The following SNIP1 variants were observed in gnomAD, a reference collection of about 807,000 sequenced individuals.
SNIP1 encodes Smad nuclear interacting protein 1.
In SNIP1, 23 loss-of-function variants were observed where a neutral mutation model predicts 37.4. The ratio of observed to expected loss-of-function variants is 0.61; its 90% CI spans 0.44 to 0.87. The LOEUF (loss-of-function observed/expected upper bound fraction) is 0.87. Ranked by LOEUF, SNIP1 falls within the 40% of genes least tolerant of loss-of-function variation. The pLI is 0.00. For missense variants in SNIP1, 459 were observed against 540.4 expected (o/e 0.85, Z 1.49); for synonymous variants, 174 against 200.0 (o/e 0.87, Z 1.10).
Position 37,534,640 on chromosome 1 carries a change from G to T in SNIP1, c.*3108C>A, listed in dbSNP as rs118156025. Reference sequence around the variant, plus strand: ...TTCCTCAGATCCTGACATACACAATGAAAGTATTTGAAAGTTACATAACCA... The same window carrying T: ...TTCCTCAGATCCTGACATACACAATTAAAGTATTTGAAAGTTACATAACCA... On this transcript the variant is annotated 3_prime_UTR_variant, in exon 4 of 4. Transcript: ENST00000296215. The T allele has an allele frequency of 3.3e-5, 5 of 152,288 alleles. No homozygotes were observed. Among genetic ancestry groups the T allele is most frequent in the South Asian group, 2.1e-4 (1 of 4,828 alleles). The allele number at this position is 152,288 out of a possible 1,614,324, so 9.4% of individuals were successfully genotyped here.
At chr1:37,543,601 T>C (rs992010150) in intron 2 of SNIP1, among the ~76,000 whole-genome samples, 8 of 152,118 alleles carry the variant, frequency 5.3e-5, no homozygotes, top group African/African-American at 1.9e-4. Flanking sequence ...TTTCTATATA[T>C]AGACTTGGCA....
intron 2 of SNIP1, among the ~76,000 whole-genome samples, chr1:37,548,058 A>C (rs1451463151): frequency 6.8e-6 from 1 of 148,088 alleles, no homozygotes; most frequent in Non-Finnish European, 1.5e-5. Context: ...AGGCTGAGGC[A>C]GGAGAATGGC....
Position 37,536,376 on chromosome 1 carries a change from T to TA in SNIP1, c.*1371dup, listed in dbSNP as rs1485457089. 1.3e-5 allele frequency: 2 copies of TA among 152,152 alleles called. No homozygotes were observed. Among genetic ancestry groups the TA allele is most frequent in the Non-Finnish European group, 2.9e-5 (2 of 68,010 alleles). The allele number at this position is 152,152 out of a possible 1,614,324, so 9.4% of individuals were successfully genotyped here. On this transcript the variant is annotated 3_prime_UTR_variant, in exon 4 of 4. Coordinates refer to ENST00000296215, the MANE Select transcript of SNIP1 (RefSeq NM_024700.4). ...AACCCACCTCCATGTCACCATCTGCTATTCCACTGACTTGGAGGCCAACGA... is the reference window on the plus strand; with the variant it reads ...AACCCACCTCCATGTCACCATCTGCTAATTCCACTGACTTGGAGGCCAACGA...
Position 37,554,182 on chromosome 1 carries a change from G to A in SNIP1, c.48C>T (p.His16=), listed in dbSNP as rs1643335153. 1 of 1,611,968 alleles carries A rather than the reference G, an allele frequency of 6.2e-7. No homozygotes were observed. The highest frequency in any genetic ancestry group is 8.5e-7 in the Non-Finnish European group (1 of 1,178,814). Residue 16 remains histidine, a synonymous_variant, in exon 1 of 4, where the codon CAC becomes CAT. Transcript: ENST00000296215. ...SERERGSRRR[H]RDGDVVLPAG... is the part of the protein sequence containing the mutation. ...CCGGCAGCACCACGTCCCCGTCCCG[G>A]TGTCTTCGCCGGCTCCCTCGCTCCC...
chr1:37,544,629 C>A, intron 2 of SNIP1: 1 of 468,644 alleles, frequency 2.1e-6, no homozygotes. Context: ...ACCAGGCACT[C>A]GTACCCCACT....
chr1:37,544,312 G>A (rs1291011437), intron 2 of SNIP1, among the ~76,000 whole-genome samples: 3 of 150,854 alleles, frequency 2.0e-5, no homozygotes, highest in Non-Finnish European at 4.4e-5. Context: ...AGGGCGCGGT[G>A]GCAGGCGCCT....
At chr1:37,544,683 G>T (rs1643210830) in intron 2 of SNIP1, 1 of 560,616 alleles carries the variant, frequency 1.8e-6, no homozygotes, top group Non-Finnish European at 3.3e-6. Context: ...CTCTTCACTG[G>T]GCCCTCTGAC....
Position 37,537,639 on chromosome 1 carries a change from G to T in SNIP1, c.*109C>A. 2 of 1,137,890 alleles carry T rather than the reference G, an allele frequency of 1.8e-6. No homozygotes were observed. Among genetic ancestry groups the T allele is most frequent in the Non-Finnish European group, 1.3e-6 (1 of 790,040 alleles). 70.5% of individuals were successfully genotyped at this position (1,137,890 alleles called of 1,614,324 possible). A position where few individuals can be genotyped will look rare whatever the true frequency, so the allele number is the denominator to read the frequency against. Reference sequence around the variant, plus strand: ...GAGGAAAGACTTAAGGCAGTAAGAGGCATTACAGAGAGCACCATAGTGCTG... The same window carrying T: ...GAGGAAAGACTTAAGGCAGTAAGAGTCATTACAGAGAGCACCATAGTGCTG... On this transcript the variant is annotated 3_prime_UTR_variant, in exon 4 of 4. Coordinates refer to ENST00000296215, the MANE Select transcript of SNIP1 (RefSeq NM_024700.4).
chr1:37,548,152 CAAAAAAAA>C (rs35503081), intron 2 of SNIP1, among the ~76,000 whole-genome samples: 1 of 65,348 alleles, frequency 1.5e-5, no homozygotes, highest in East Asian at 5.2e-4. Flanking sequence ...GACTCCATAT[CAAAAAAAA>C]AAAAAAAAAA....
At chr1:37,551,449 T>C (rs1369958173) in intron 2 of SNIP1, among the ~76,000 whole-genome samples, 1 of 152,150 alleles carries the variant, frequency 6.6e-6, no homozygotes, top group Non-Finnish European at 1.5e-5. Flanking sequence ...CGGACTAAAT[T>C]GTACCCTCCA....
Position 37,535,594 on chromosome 1 carries a change from A to T in SNIP1, c.*2154T>A, listed in dbSNP as rs1643081458. 6.6e-6 allele frequency: 1 copy of T among 152,178 alleles called. No individual in the cohort carries two copies. Among genetic ancestry groups the T allele is most frequent in the African/African-American group, 2.4e-5 (1 of 41,452 alleles). The allele number at this position is 152,178 out of a possible 1,614,324, so 9.4% of individuals were successfully genotyped here. A position where few individuals can be genotyped will look rare whatever the true frequency, so the allele number is the denominator to read the frequency against. On this transcript the variant is annotated 3_prime_UTR_variant, in exon 4 of 4. Transcript: ENST00000296215. ...GCAAAACTCAAGGCTACCACAAAGT[A>T]GTGCTACTGCAGCACAGACTGAACA... is the stretch of plus-strand genomic sequence containing the variant.
intron 2 of SNIP1, among the ~76,000 whole-genome samples, chr1:37,550,615 G>C (rs751360341): frequency 2.0e-5 from 3 of 152,100 alleles, no homozygotes. Flanking sequence ...GCTGAGGCAG[G>C]AGAATCCCTT....
At chr1:37,539,486 C>T (rs1350682350) in intron 3 of SNIP1, among the ~76,000 whole-genome samples, 4 of 152,262 alleles carry the variant, frequency 2.6e-5, no homozygotes, top group South Asian at 2.1e-4. Context: ...CCAAGGCAGG[C>T]GGATCACGAG....
At chr1:37,553,299 G>C (rs375613200) in intron 1 of SNIP1, among the ~76,000 whole-genome samples, 1 of 152,270 alleles carries the variant, frequency 6.6e-6, no homozygotes. Flanking sequence ...TCAGGTCTGG[G>C]CTCAAATGGC....
At chr1:37,544,939 G>A (rs372932616) in intron 2 of SNIP1, 28 of 902,956 alleles carry the variant, frequency 3.1e-5, no homozygotes, top group Admixed American at 2.2e-4. Flanking sequence ...ATGAGGAGAG[G>A]GAACATGCCA....
intron 2 of SNIP1, among the ~76,000 whole-genome samples, chr1:37,550,416 A>C (rs1388121025): frequency 1.3e-5 from 2 of 152,234 alleles, no homozygotes; most frequent in Non-Finnish European, 2.9e-5. Context: ...GAAAACAGGC[A>C]AAAGATAGCT....
intron 3 of SNIP1, among the ~76,000 whole-genome samples, chr1:37,538,588 G>A (rs1365715295): frequency 6.6e-6 from 1 of 151,526 alleles, no homozygotes; most frequent in Non-Finnish European, 1.5e-5. Flanking sequence ...AGGTGGAAAT[G>A]CAGAATCCAA....
At position 37,554,057 on chromosome 1, in the gene SNIP1, C is replaced by G; in HGVS notation, c.173G>C (p.Ser58Thr). The change falls in exon 1 of 4, where the codon AGC (serine) becomes ACC (threonine). Residue 58 changes from serine to threonine, a missense_variant. Ser to Thr is a moderately conservative substitution (Grantham distance 58, BLOSUM62 1). Coordinates refer to ENST00000296215, the MANE Select transcript of SNIP1 (RefSeq NM_024700.4). ...GCGGTGGCCCGAGCGGGCCGGCTCG[C>G]TGGTCGGCGGAGACGGGCTACCACC... ...HSGGSPSPPT[S>T]EPARSGHRGN... 1.3e-6 allele frequency: 2 copies of G among 1,593,868 alleles called. No homozygotes were observed. The highest frequency in any genetic ancestry group is 1.7e-6 in the Non-Finnish European group (2 of 1,171,442).
chr1:37,541,439 G>C (rs1222473755), intron 2 of SNIP1: 1 of 152,084 alleles, frequency 6.6e-6, no homozygotes, highest in Non-Finnish European at 1.5e-5. Flanking sequence ...GAGGCGGGTG[G>C]ATCACCTGAG....
Sources: gnomAD v4.1 joint callset for allele counts (sites outside exome capture counted in the v4.1 genomes callset) on GRCh38, gnomAD v4.1.1 for gene constraint, MANE v1.5 for transcripts, NCBI Gene and HGNC (gene_info 2026-07-23, HGNC 2026-07-21) for gene names.